Variants in DCAF6 observed in about 807,000 individuals in gnomAD.
DCAF6 encodes DDB1 and CUL4 associated factor 6.
A neutral mutation model predicts 125.1 loss-of-function variants in DCAF6; 54 were observed. That is an observed-to-expected ratio of 0.43 (90% CI 0.35 to 0.54). The LOEUF is 0.54. Among genes scored for constraint, DCAF6 ranks in the 20% least tolerant of loss-of-function variants. DCAF6 has a pLI of 0.01. For synonymous variants in DCAF6, 371 were observed against 390.4 expected (o/e 0.95, Z 0.58); for missense variants, 934 against 1,161.7 (o/e 0.80, Z 2.85).
intron 12 of DCAF6, among the ~76,000 whole-genome samples, chr1:168,037,289 A>T (rs1489277022): frequency 2.0e-5 from 3 of 152,240 alleles, no homozygotes; most frequent in Non-Finnish European, 2.9e-5. Context: ...AATAAAAAAA[A>T]ATCCTAAGTA....
At chr1:167,926,691 A>G in the DCAF6 span, among the ~76,000 whole-genome samples, 2 of 152,144 alleles carry the variant, frequency 1.3e-5, no homozygotes, top group African/African-American at 2.4e-5. Context: ...ACATCCTCCA[A>G]TGCGCAGGAC....
intron 13 of DCAF6, 104 bp downstream of exon 13, chr1:168,038,592 G>T (rs780501817): frequency 1.2e-5 from 10 of 827,036 alleles, no homozygotes. Flanking sequence ...TTGCTATAAG[G>T]TATTGGTTTT....
At chr1:168,053,716 G>A (rs78761138) in intron 17 of DCAF6, among the ~76,000 whole-genome samples, 3,161 of 152,240 alleles carry the variant, frequency 0.021, 101 homozygotes, top group African/African-American at 0.07. Context: ...TGGTCATGTA[G>A]GCACCTCTGC....
At chr1:168,074,544 T>C (rs1410232059) in intron 21 of DCAF6, among the ~76,000 whole-genome samples, 1 of 152,086 alleles carries the variant, frequency 6.6e-6, no homozygotes, top group Non-Finnish European at 1.5e-5. Context: ...TAAAAAGAAG[T>C]AACTCCTGCC....
At chr1:167,870,512 G>A in the DCAF6 span, 76 of 1,082,862 alleles carry the variant, frequency 7.0e-5, no homozygotes, top group Non-Finnish European at 9.5e-5. Context: ...ATATCCTTGG[G>A]CCAGGCGCTG....
chr1:167,896,442 C>G, the DCAF6 span, among the ~76,000 whole-genome samples: 1 of 151,832 alleles, frequency 6.6e-6, no homozygotes, highest in Non-Finnish European at 1.5e-5. Context: ...ATTGCTGTCC[C>G]GGAGAATGGG....
chr1:167,978,971 A>G (rs1030545530), intron 4 of DCAF6, among the ~76,000 whole-genome samples: 2 of 152,024 alleles, frequency 1.3e-5, no homozygotes, highest in Non-Finnish European at 2.9e-5. Flanking sequence ...AAAGTATTTA[A>G]TGTTGTCTAA....
At chr1:167,863,731 G>C in the DCAF6 span, among the ~76,000 whole-genome samples, 4 of 152,246 alleles carry the variant, frequency 2.6e-5, no homozygotes, top group East Asian at 1.9e-4. Flanking sequence ...ATTTGCCCCG[G>C]TGGGACACCT....
At chr1:167,899,737 CA>C in the DCAF6 span, 1 of 993,948 alleles carries the variant, frequency 1.0e-6, no homozygotes, top group Admixed American at 2.0e-5. Flanking sequence ...TATCTCAGAG[CA>C]AAATCTCACT....
intron 21 of DCAF6, among the ~76,000 whole-genome samples, chr1:168,070,499 C>T (rs1031410794): frequency 4.6e-5 from 7 of 152,094 alleles, no homozygotes; most frequent in Admixed American, 1.3e-4. Context: ...GGAATAGATA[C>T]GGACAGTTTC....
chr1:167,954,045 C>T (rs1674385941), intron 2 of DCAF6, among the ~76,000 whole-genome samples: 2 of 152,104 alleles, frequency 1.3e-5, no homozygotes, highest in Non-Finnish European at 1.5e-5. Flanking sequence ...CTCACTCCGT[C>T]TTCCAGGCTG....
At chr1:167,897,175 TAAA>T in the DCAF6 span, among the ~76,000 whole-genome samples, 4 of 136,576 alleles carry the variant, frequency 2.9e-5, no homozygotes, top group Admixed American at 7.4e-5. Flanking sequence ...TATTCTTGGT[TAAA>T]AAAAAAAAAA....
chr1:167,919,217 C>T, the DCAF6 span, among the ~76,000 whole-genome samples: 1 of 152,182 alleles, frequency 6.6e-6, no homozygotes, highest in Non-Finnish European at 1.5e-5. Flanking sequence ...AGTTCACAAA[C>T]GCTAAGGACC....
intron 3 of DCAF6, among the ~76,000 whole-genome samples, chr1:167,973,323 T>C (rs1031810015): frequency 1.3e-5 from 2 of 152,196 alleles, no homozygotes; most frequent in African/African-American, 2.4e-5. Flanking sequence ...TATAATTTAT[T>C]CCCTTATTGG....
intron 6 of DCAF6, 81 bp downstream of exon 6, chr1:167,991,420 C>T (rs557404859): frequency 9.5e-5 from 129 of 1,357,092 alleles, no homozygotes; most frequent in Non-Finnish European, 1.2e-4. Flanking sequence ...TTTAAAATTT[C>T]TTGTTTGTTA....
chr1:168,072,226 G>A (rs945143157), intron 21 of DCAF6, among the ~76,000 whole-genome samples: 6 of 146,292 alleles, frequency 4.1e-5, no homozygotes, highest in Non-Finnish European at 9.0e-5. Flanking sequence ...GAACCCAGGA[G>A]GTGGAGGTTG....
chr1:167,937,741 A>C (rs971824577), intron 1 of DCAF6, among the ~76,000 whole-genome samples: 1 of 151,578 alleles, frequency 6.6e-6, no homozygotes, highest in African/African-American at 2.4e-5. Context: ...TTCGTTTTGC[A>C]TAACATTTTT....
intron 1 of DCAF6, among the ~76,000 whole-genome samples, chr1:167,942,842 C>T (rs1429737882): frequency 6.6e-6 from 1 of 152,056 alleles, no homozygotes; most frequent in African/African-American, 2.4e-5. Flanking sequence ...ATTTCCTAGC[C>T]ACATTCCATT....
chr1:168,020,873 T>G (rs985135216), intron 11 of DCAF6, among the ~76,000 whole-genome samples: 6 of 152,124 alleles, frequency 3.9e-5, no homozygotes, highest in African/African-American at 1.4e-4. Flanking sequence ...AAAGGAGTTG[T>G]GTGTTCCCAA....
Sources: allele counts gnomAD v4.1 joint callset (sites outside exome capture counted in the v4.1 genomes callset), GRCh38; gene constraint gnomAD v4.1.1; transcripts MANE v1.5; gene names NCBI Gene and HGNC (gene_info 2026-07-23, HGNC 2026-07-21).